Variants in GRIN2D observed in about 807,000 individuals in gnomAD.
The protein encoded by GRIN2D is glutamate ionotropic receptor NMDA type subunit 2D.
Under a neutral mutation model 103.2 loss-of-function variants are expected in GRIN2D, and 37 were observed. The ratio of observed to expected loss-of-function variants is 0.36; its 90% CI spans 0.28 to 0.47. The LOEUF is 0.47. Ranked by LOEUF, GRIN2D falls within the 20% of genes least tolerant of loss-of-function variation. GRIN2D has a pLI of 1.00. For synonymous variants in GRIN2D, 845 were observed against 885.6 expected (o/e 0.95, Z 0.81); for missense variants, 1,557 against 1,910.6 (o/e 0.81, Z 3.45).
rs1176288730 is a variant in GRIN2D at position 48,425,805 on chromosome 19, A to G, written c.2252+3860A>G. Among the ~76,000 whole-genome samples, 4 of 152,176 alleles carry G rather than the reference A, an allele frequency of 2.6e-5. No individual in the cohort carries two copies. The East Asian group carries it at 5.8e-4, about 22-fold the overall frequency. On this transcript the variant is annotated intron_variant, in intron 11 of 13. Coordinates refer to ENST00000263269, the MANE Select transcript of GRIN2D (RefSeq NM_000836.4). The stretch of plus-strand genomic sequence containing the variant: ...ATCTTTTTTTTATTGAGATATATAC[A>G]TAGATACAGTGAGGTACAGTGAGGT...
At position 48,414,939 on chromosome 19, in the gene GRIN2D, G is replaced by C; in HGVS notation, c.1488G>C (p.Ala496=). Residue 496 remains alanine (A), a synonymous_variant, in exon 7 of 14, where the codon GCG becomes GCC. Coordinates refer to ENST00000263269, the MANE Select transcript of GRIN2D (RefSeq NM_000836.4). This position sits in a 1 kb window ranked among gnomAD's most constrained non-coding sequence, Gnocchi z 4.6. The part of the protein sequence containing the change: ...GFCIDILKRL[A]HTIGFSYDLY... ...GCATCGACATTCTGAAGCGGCTGGC[G>C]CATACCATCGGCTTCAGCTACGACC... The C allele has an allele frequency of 6.2e-7, 1 of 1,613,994 alleles. No individual in the cohort carries two copies. Among genetic ancestry groups the C allele is most frequent in the East Asian group, 2.2e-5 (1 of 44,872 alleles).
Position 48,414,074 on chromosome 19 carries a change from T to C in GRIN2D, c.1169T>C (p.Ile390Thr). ...CTAGTGAACCCCTCCCTGGTGGTCA[T>C]CTCCCTCACCAGAGACAGGACGTGG... is the stretch of plus-strand genomic sequence containing the variant. ...GFLVNPSLVV[I>T]SLTRDRTWEV... The change falls in exon 5 of 14, where the codon ATC (isoleucine) becomes ACC (threonine). Residue 390 changes from isoleucine (I) to threonine (T), a missense_variant. Ile to Thr is a moderately conservative substitution (Grantham distance 89). Around this residue, in one of 7 missense-constraint regions of GRIN2D, gnomAD observed 490 missense variants for 601.1 expected, o/e 0.82. Coordinates refer to ENST00000263269, the MANE Select transcript of GRIN2D (RefSeq NM_000836.4). This position sits in a 1 kb window ranked among gnomAD's most constrained non-coding sequence, Gnocchi z 4.6. 1 of 1,609,676 alleles carries C rather than the reference T, an allele frequency of 6.2e-7. No homozygotes were observed.
chr19:48,430,819 T>C (rs1205491093), intron 11 of GRIN2D, among the ~76,000 whole-genome samples: 2 of 149,658 alleles, frequency 1.3e-5, no homozygotes, highest in African/African-American at 2.5e-5. Flanking sequence ...TTTTTCTTTT[T>C]TCTTTTTTTT....
Position 48,421,680 on chromosome 19 carries a change from T to C in GRIN2D, c.2092-105T>C. 1 of 895,082 alleles carries C rather than the reference T, an allele frequency of 1.1e-6. No individual in the cohort carries two copies. Among genetic ancestry groups the C allele is most frequent in the East Asian group, 2.5e-5 (1 of 40,644 alleles). The allele number at this position is 895,082 out of a possible 1,614,324, so 55.4% of individuals were successfully genotyped here. ...AGTGTTGAGAAATATTGAACACTCC[T>C]GGGACTGGGGTGTCTGCCAGATAGC... On this transcript the variant is annotated intron_variant, in intron 10 of 13. Transcript: ENST00000263269. This position sits in a 1 kb window ranked among gnomAD's most constrained non-coding sequence, Gnocchi z 4.8.
At position 48,426,278 on chromosome 19, in the gene GRIN2D, T is replaced by A. The variant is rs532297665; in HGVS notation, c.2252+4333T>A. On this transcript the variant is annotated intron_variant, in intron 11 of 13. Coordinates refer to ENST00000263269, the MANE Select transcript of GRIN2D (RefSeq NM_000836.4). Reference sequence around the variant, plus strand: ...TCTCTCTCTATTGCCCAGGCTGGAGTGCAGTTGCGCGATCTCGGCTCACTG... The same window carrying A: ...TCTCTCTCTATTGCCCAGGCTGGAGAGCAGTTGCGCGATCTCGGCTCACTG... 3.5e-4 allele frequency among the ~76,000 whole-genome samples: 52 copies of A among 147,598 alleles called. 2 individuals carry two copies. In the South Asian group the frequency reaches 8.6e-3, roughly 24 times the overall value.
intron 10 of GRIN2D, among the ~76,000 whole-genome samples, chr19:48,420,421 C>CT (rs1971007920): frequency 1.3e-5 from 2 of 151,948 alleles, no homozygotes; most frequent in South Asian, 4.1e-4. Flanking sequence ...GAGTTAGACT[C>CT]TGTCTCAAAA....
chr19:48,411,479 G>A (rs576305600), intron 4 of GRIN2D, among the ~76,000 whole-genome samples: 1 of 151,792 alleles, frequency 6.6e-6, no homozygotes, highest in East Asian at 1.9e-4. Context: ...GTGAAACCCT[G>A]TCTCTACTAA....
intron 3 of GRIN2D, among the ~76,000 whole-genome samples, chr19:48,402,166 A>AAGAAAG (rs748167336): frequency 7.5e-5 from 6 of 80,032 alleles, no homozygotes; most frequent in African/African-American, 2.2e-4. Flanking sequence ...GAAAGAAAGA[A>AAGAAAG]AGAGAGAAAA....
At chr19:48,415,145 C>A in intron 7 of GRIN2D, 113 bp downstream of exon 7, 1 of 984,540 alleles carries the variant, frequency 1.0e-6, no homozygotes, top group Non-Finnish European at 1.5e-6. Flanking sequence ...CCGAGGCGGG[C>A]GAATTGCCTG....
rs551517885 is a variant in GRIN2D at position 48,412,550 on chromosome 19, G to A, written c.1086-1441G>A. On this transcript the variant is annotated intron_variant, in intron 4 of 13. Transcript: ENST00000263269. ...CGCTTGTAATCCCAGCCCTTTGGGA[G>A]GCTGAGGCGGGCGGATCACCTGAGG... 9.2e-5 allele frequency among the ~76,000 whole-genome samples: 14 copies of A among 151,908 alleles called. No individual in the cohort carries two copies. The South Asian group carries it at 2.9e-3, about 32-fold the overall frequency.
At chr19:48,403,858 G>C (rs1970748078) in intron 3 of GRIN2D, among the ~76,000 whole-genome samples, 1 of 152,216 alleles carries the variant, frequency 6.6e-6, no homozygotes, top group South Asian at 2.1e-4. Context: ...CCGGATGCTG[G>C]TTGTATTAAT....
intron 3 of GRIN2D, among the ~76,000 whole-genome samples, chr19:48,402,681 C>T (rs1419403150): frequency 8.0e-6 from 1 of 124,338 alleles, no homozygotes; most frequent in African/African-American, 3.0e-5. Flanking sequence ...TGCGCCACTG[C>T]GGTCCGCAGT....
rs545376716 is a variant in GRIN2D at position 48,398,806 on chromosome 19, G to A, written c.414G>A (p.Ser138=). 6.5e-4 allele frequency: 944 copies of A among 1,451,792 alleles called. 4 individuals carry two copies. The African/African-American group carries it at 1.0e-2, about 15-fold the overall frequency. The allele number at this position is 1,451,792 out of a possible 1,614,324, so 89.9% of individuals were successfully genotyped here. ...PILDFLSAQT[S]LPIVAVHGGA... ...TCGACTTCCTGTCGGCGCAGACCTC[G>A]CTGCCCATCGTGGCCGTGCACGGCG... The change falls in exon 3 of 14, where the codon TCG becomes TCA. Residue 138 remains serine, a synonymous_variant. Transcript: ENST00000263269.
Position 48,394,673 on chromosome 19 carries a change from C to A in GRIN2D, c.-290C>A, listed in dbSNP as rs1970614701. Among the ~76,000 whole-genome samples the A allele has an allele frequency of 6.6e-6, 1 of 152,198 alleles. No homozygotes were observed. The highest frequency in any genetic ancestry group is 6.5e-5 in the Admixed American group (1 of 15,286). On this transcript the variant is annotated 5_prime_UTR_variant, in exon 2 of 14. Coordinates refer to ENST00000263269, the MANE Select transcript of GRIN2D (RefSeq NM_000836.4). This position sits in a 1 kb window ranked among gnomAD's most constrained non-coding sequence, Gnocchi z 5.1. ...CAACTTCCAGAGCAACATGTGTAGC[C>A]ACGTCCTCGCCTAGTCCAGGTGGCC...
intron 10 of GRIN2D, among the ~76,000 whole-genome samples, chr19:48,420,098 C>T (rs1971001922): frequency 6.6e-6 from 1 of 152,022 alleles, no homozygotes; most frequent in South Asian, 2.1e-4. Context: ...ATTCTAGAAC[C>T]AGTGCTTCTC....
chr19:48,424,400 A>T (rs1248478236), intron 11 of GRIN2D, among the ~76,000 whole-genome samples: 1 of 148,082 alleles, frequency 6.8e-6, no homozygotes, highest in Non-Finnish European at 1.5e-5. Context: ...CCTCCCGAGT[A>T]GCTGGGACTA....
chr19:48,412,923 G>A (rs1569063521), intron 4 of GRIN2D, among the ~76,000 whole-genome samples: 1 of 148,442 alleles, frequency 6.7e-6, no homozygotes, highest in Non-Finnish European at 1.5e-5. Flanking sequence ...TGAGGCTGAG[G>A]TCAGGAGTTC....
Position 48,443,089 on chromosome 19 carries a change from C to CCGCCGG in GRIN2D, c.3168_3173dup (p.Pro1058_Ala1059dup). On this transcript the variant is annotated inframe_insertion, in exon 14 of 14. Coordinates refer to ENST00000263269, the MANE Select transcript of GRIN2D (RefSeq NM_000836.4). The surrounding 1 kb of genome is among the most constrained non-coding windows in gnomAD (Gnocchi z 8.9). ...CCGCTTGGCCTTCGAGGACGAGAGC[C>CCGCCGG]CGCCGGCGCCCGCGCGGTGGCCGCG... 1 of 1,027,148 alleles carries CCGCCGG rather than the reference C, an allele frequency of 9.7e-7. No homozygotes were observed. The highest frequency in any genetic ancestry group is 1.2e-6 in the Non-Finnish European group (1 of 854,932). 63.6% of individuals were successfully genotyped at this position (1,027,148 alleles called of 1,614,324 possible). A position where few individuals can be genotyped will look rare whatever the true frequency, so the allele number is the denominator to read the frequency against.
chr19:48,404,787 G>A lies in GRIN2D; in HGVS notation c.519G>A (p.Gln173=), dbSNP rs147811242. Residue 173 remains glutamine (Q), a synonymous_variant, in exon 4 of 14, where the codon CAG becomes CAA. Transcript: ENST00000263269. ...QLGSSTEQQL[Q]VIFEVLEEYD... is the part of the protein sequence containing the mutation. ...GCTCTTCCACCGAGCAACAGCTTCA[G>A]GTCATCTTTGAGGTGCTGGAGGAGT... The A allele has an allele frequency of 2.9e-5, 47 of 1,613,912 alleles. No individual in the cohort carries two copies. The highest frequency in any genetic ancestry group is 3.9e-5 in the Non-Finnish European group (46 of 1,179,952).
Sources: gnomAD v4.1 joint callset for allele counts (sites outside exome capture counted in the v4.1 genomes callset) on GRCh38, gnomAD v4.1.1 for gene constraint, gnomAD v4.1.1 regional missense constraint, Gnocchi (gnomAD v3.1) non-coding constraint, MANE v1.5 for transcripts, NCBI Gene and HGNC (gene_info 2026-07-23, HGNC 2026-07-21) for gene names.